The following GART variants were observed in gnomAD, a reference collection of about 807,000 sequenced individuals.
GART encodes phosphoribosylglycinamide formyltransferase, phosphoribosylglycinamide synthetase, phosphoribosylaminoimidazole synthetase.
A neutral mutation model predicts 107.2 loss-of-function variants in GART; 43 were observed. The ratio of observed to expected loss-of-function variants is 0.40; its 90% CI spans 0.31 to 0.52. GART has a LOEUF of 0.52. GART is among the 20% of genes least tolerant of loss of function. The probability of loss-of-function intolerance (pLI) is 0.52; values close to 1 mark genes in which losing one functional copy is unlikely to be tolerated. For synonymous variants in GART, 434 were observed against 427.0 expected, an observed-to-expected ratio of 1.02 and a Z score of -0.20; for missense variants, 1,107 against 1,206.5, an observed-to-expected ratio of 0.92 and a Z score of 1.22.
chr21:33,511,407 C>T lies in GART; in HGVS notation c.2159G>A (p.Gly720Glu). 1 of 1,614,116 alleles carries T rather than the reference C, an allele frequency of 6.2e-7. No homozygotes were observed. Among genetic ancestry groups the T allele is most frequent in the Non-Finnish European group, 8.5e-7 (1 of 1,180,018 alleles). ...PRVFSWLQQE[G>E]HLSEEEMART... is the part of the protein sequence containing the mutation. ...GGCCATCTCTTCCTCAGAGAGGTGT[C>T]CTTCCTGCTGCAACCATGAGAAGAC... Residue 720 changes from glycine to glutamate, a missense_variant, in exon 17 of 22, where the codon GGA becomes GAA. Transcript: ENST00000381815.
chr21:33,511,211 A>T (rs1437747390), intron 17 of GART, 41 bp downstream of exon 17: 1 of 1,606,304 alleles, frequency 6.2e-7, no homozygotes, highest in Admixed American at 1.7e-5. Flanking sequence ...AAAATTATAC[A>T]GCTAAAATTA....
chr21:33,541,136 TTTTTA>T (rs2085408317), intron 1 of GART, among the ~76,000 whole-genome samples: 1 of 152,134 alleles, frequency 6.6e-6, no homozygotes, highest in Non-Finnish European at 1.5e-5. Context: ...ATAAACAGAT[TTTTTA>T]TTTTATTTAT....
chr21:33,511,311 T>C lies in GART; in HGVS notation c.2255A>G (p.Asp752Gly), dbSNP rs8971. 0.22 allele frequency: 357,294 copies of C among 1,613,908 alleles called. 41,671 individuals are homozygous for C. The highest frequency in any genetic ancestry group is 0.24 in the Non-Finnish European group (278,447 of 1,179,884). The change falls in exon 17 of 22, where the codon GAT becomes GGT. Residue 752 changes from aspartate (D) to glycine (G), a missense_variant. Transcript: ENST00000381815. Reference sequence around the variant, plus strand: ...GGCTTCTTCCTTGTGCTGCTGGATATCCCTCAGAATCTGCTCTGTCTGCTC... The same window carrying C: ...GGCTTCTTCCTTGTGCTGCTGGATACCCCTCAGAATCTGCTCTGTCTGCTC... ...SKEQTEQILR[D>G]IQQHKEEAWV...
At chr21:33,537,371 C>A (rs900949099) in intron 2 of GART, among the ~76,000 whole-genome samples, 1 of 152,216 alleles carries the variant, frequency 6.6e-6, no homozygotes, top group African/African-American at 2.4e-5. Flanking sequence ...GGTCCATGCT[C>A]TTCTTTCCAT....
rs754181814 is a variant in GART at position 33,531,540 on chromosome 21, T to A, written c.546A>T (p.Ala182=). Residue 182 remains alanine (A), a synonymous_variant, in exon 6 of 22, where the codon GCA becomes GCT. Transcript: ENST00000381815. ...CTTCAATGACAATTGTTTCTCCAGC[T>A]GCCCCAAAGGCTTTCTCCTGATTGT... ...QEIMQEKAFG[A]AGETIVIEEL... 6.2e-7 allele frequency: 1 copy of A among 1,611,140 alleles called. No homozygotes were observed. The highest frequency in any genetic ancestry group is 8.5e-7 in the Non-Finnish European group (1 of 1,178,638).
chr21:33,540,879 A>G (rs1421234375), intron 1 of GART, among the ~76,000 whole-genome samples: 1 of 152,178 alleles, frequency 6.6e-6, no homozygotes, highest in East Asian at 1.9e-4. Context: ...AGATACTATT[A>G]CTATCACCAA....
rs779014540 is a variant in GART, at chr21:33,530,918, A to C, written c.598-34T>G. On this transcript the variant is annotated intron_variant, in intron 6 of 21. Coordinates refer to ENST00000381815, the MANE Select transcript of GART (RefSeq NM_000819.5). The stretch of plus-strand genomic sequence containing the variant: ...AAAACAAAATAGTCCATTTATGTTA[A>C]CTGTCAAAAACTAAAAAAAAAAATT... 2.7e-6 allele frequency: 4 copies of C among 1,500,328 alleles called. No individual in the cohort carries two copies. The Admixed American group carries it at 1.1e-4, about 42-fold the overall frequency. 92.9% of individuals were successfully genotyped at this position (1,500,328 alleles called of 1,614,324 possible). A position where few individuals can be genotyped will look rare whatever the true frequency, so the allele number is the denominator to read the frequency against.
At chr21:33,504,384 T>A (rs888333082) in intron 21 of GART, 28 bp downstream of exon 21, 2 of 1,609,556 alleles carry the variant, frequency 1.2e-6, no homozygotes, top group African/African-American at 2.7e-5. Context: ...ACTACTAATA[T>A]TATGTTGGTA....
intron 2 of GART, among the ~76,000 whole-genome samples, chr21:33,538,350 G>T (rs2085343603): frequency 6.6e-6 from 1 of 150,760 alleles, no homozygotes; most frequent in African/African-American, 2.4e-5. Flanking sequence ...TTACTCTGTT[G>T]CCCAAGTAGC....
intron 16 of GART, among the ~76,000 whole-genome samples, chr21:33,513,109 G>GTGTGTGTGTGTCTC (rs2084817843): frequency 4.8e-5 from 1 of 20,944 alleles, no homozygotes; most frequent in African/African-American, 2.6e-4. Context: ...GTGTCTCTGT[G>GTGTGTGTGTGTCTC]TGTGTGTGTG....
chr21:33,514,297 A>G (rs1419280261), intron 16 of GART, among the ~76,000 whole-genome samples: 1 of 152,144 alleles, frequency 6.6e-6, no homozygotes, highest in Non-Finnish European at 1.5e-5. Flanking sequence ...AACCCCCAGA[A>G]GTCCTTACTT....
upstream of GART, chr21:33,542,735 A>C (rs1019132363): frequency 7.4e-5 from 18 of 241,732 alleles, no homozygotes; most frequent in African/African-American, 3.8e-4. Context: ...CTTTAATCTC[A>C]GGCACTTAGC....
At chr21:33,510,170 G>A in intron 17 of GART, 1 of 376,112 alleles carries the variant, frequency 2.7e-6, no homozygotes. Flanking sequence ...AGTGCACGGT[G>A]GATATATATG....
At chr21:33,515,708 G>GGGA (rs2084865247) in intron 16 of GART, among the ~76,000 whole-genome samples, 1 of 150,596 alleles carries the variant, frequency 6.6e-6, no homozygotes, top group Non-Finnish European at 1.5e-5. Context: ...AACACAGGGA[G>GGGA]GGAGGACTCT....
At chr21:33,514,044 T>C (rs999154784) in intron 16 of GART, among the ~76,000 whole-genome samples, 4 of 152,156 alleles carry the variant, frequency 2.6e-5, no homozygotes, top group Non-Finnish European at 4.4e-5. Flanking sequence ...GATGGGCAGA[T>C]TGCTCTGAGC....
chr21:33,541,220 C>T (rs1345619577), intron 1 of GART, among the ~76,000 whole-genome samples: 1 of 152,222 alleles, frequency 6.6e-6, no homozygotes, highest in Admixed American at 6.5e-5. Flanking sequence ...TCTCAGCTCA[C>T]TACAACCTCC....
intron 11 of GART, among the ~76,000 whole-genome samples, chr21:33,523,776 G>A (rs1165673432): frequency 2.6e-5 from 4 of 152,020 alleles, no homozygotes; most frequent in Non-Finnish European, 4.4e-5. Flanking sequence ...AGACCAGCCC[G>A]GCCAACATGG....
At chr21:33,533,108 A>G (rs763233002) in intron 4 of GART, among the ~76,000 whole-genome samples, 2 of 152,214 alleles carry the variant, frequency 1.3e-5, no homozygotes, top group East Asian at 1.9e-4. Flanking sequence ...TGCTTTCCAC[A>G]TAATAGAGAA....
chr21:33,506,199 A>G (rs1165481597), intron 18 of GART, 95 bp from the exon 19 acceptor site: 1 of 1,397,158 alleles, frequency 7.2e-7, no homozygotes, highest in Non-Finnish European at 9.6e-7. Flanking sequence ...CTAGGAGTGC[A>G]GTGCCACGAT....
Sources: gnomAD v4.1 joint callset for allele counts (sites outside exome capture counted in the v4.1 genomes callset) on GRCh38, gnomAD v4.1.1 for gene constraint, MANE v1.5 for transcripts, NCBI Gene and HGNC (gene_info 2026-07-23, HGNC 2026-07-21) for gene names.